The following ARSG variants were observed in gnomAD, a reference collection of about 807,000 sequenced individuals.
ARSG encodes the protein ASG.
A neutral mutation model predicts 50.5 loss-of-function variants in ARSG; 37 were observed. The observed-to-expected ratio is 0.73, with a 90% CI of 0.56 to 0.96. ARSG has a LOEUF of 0.96. Among genes scored for constraint, ARSG ranks in the 50% least tolerant of loss-of-function variants. The pLI, the probability that ARSG is intolerant of heterozygous loss-of-function variation, is 0.00. For synonymous variants in ARSG, 225 were observed against 254.6 expected (o/e 0.88, Z 1.11); for missense variants, 629 against 675.3 (o/e 0.93, Z 0.76).
At chr17:68,340,466 A>G (rs182882568) in intron 2 of ARSG, among the ~76,000 whole-genome samples, 2 of 152,028 alleles carry the variant, frequency 1.3e-5, no homozygotes, top group East Asian at 3.9e-4. Context: ...TTGTATTTTT[A>G]GTAGAGACGG....
chr17:68,433,503 C>T, the ARSG span: 11 of 1,613,726 alleles, frequency 6.8e-6, no homozygotes, highest in African/African-American at 1.3e-5. Flanking sequence ...AGATGTGTAC[C>T]GTCTCGGTGT....
At chr17:68,413,044 A>G (rs1166399982) in intron 11 of ARSG, among the ~76,000 whole-genome samples, 1 of 151,550 alleles carries the variant, frequency 6.6e-6, no homozygotes, top group Non-Finnish European at 1.5e-5. Flanking sequence ...CAAAGTTTTC[A>G]ACTTCTTTGC....
intron 6 of ARSG, among the ~76,000 whole-genome samples, chr17:68,360,716 G>A (rs1288023511): frequency 6.6e-6 from 1 of 152,212 alleles, no homozygotes; most frequent in Admixed American, 6.5e-5. Flanking sequence ...TTCCTTTTGA[G>A]GTCTGGGACC....
chr17:68,365,372 A>T (rs909868726), intron 6 of ARSG, among the ~76,000 whole-genome samples: 4 of 152,204 alleles, frequency 2.6e-5, no homozygotes, highest in Admixed American at 6.5e-5. Context: ...GTGGGAAGTT[A>T]CACAACTTTG....
upstream of ARSG, among the ~76,000 whole-genome samples, chr17:68,287,836 G>A (rs1174843681): frequency 6.6e-6 from 1 of 152,060 alleles, no homozygotes; most frequent in Non-Finnish European, 1.5e-5. Context: ...TCATGCACAG[G>A]TCTTTCCTTA....
the ARSG span, chr17:68,433,397 C>T: frequency 3.3e-5 from 44 of 1,327,126 alleles, no homozygotes; most frequent in Non-Finnish European, 4.7e-5. Flanking sequence ...AGAGATCATT[C>T]ATGCCAGTAG....
the ARSG span, among the ~76,000 whole-genome samples, chr17:68,445,155 G>A: frequency 6.6e-6 from 1 of 152,044 alleles, no homozygotes; most frequent in Non-Finnish European, 1.5e-5. Context: ...CCCGACCTCA[G>A]GTGATCTGCC....
intron 2 of ARSG, among the ~76,000 whole-genome samples, chr17:68,327,263 AC>A (rs2077543572): frequency 6.6e-6 from 1 of 152,178 alleles, no homozygotes; most frequent in South Asian, 2.1e-4. Context: ...CCCTGGAGAC[AC>A]GCAGGGAGGT....
the ARSG span, among the ~76,000 whole-genome samples, chr17:68,435,456 T>C: frequency 6.6e-6 from 1 of 152,210 alleles, no homozygotes; most frequent in Non-Finnish European, 1.5e-5. Flanking sequence ...TGCATGAATA[T>C]ACCACACATG....
rs556013848 is a variant in ARSG, at chr17:68,269,241, A to G, written c.-552+9815A>G. On this transcript the variant is annotated intron_variant, in intron 1 of 11. Coordinates refer to the ARSG transcript ENST00000448504. ...TGAGTGATGATGCTGGCACAGTCCCATCTTACACGGTCTCACCAGGGCGAG... is the reference window on the plus strand; with the variant it reads ...TGAGTGATGATGCTGGCACAGTCCCGTCTTACACGGTCTCACCAGGGCGAG... 3.6e-5 allele frequency: 55 copies of G among 1,525,958 alleles called. 1 individual carries two copies. In the South Asian group the frequency reaches 6.2e-4, roughly 17 times the overall value. The allele number at this position is 1,525,958 out of a possible 1,614,324, so 94.5% of individuals were successfully genotyped here.
rs115858335 is a variant in ARSG at position 68,318,981 on chromosome 17, T to C, written c.218+11270T>C. 7.1e-3 allele frequency among the ~76,000 whole-genome samples: 1,074 copies of C among 152,308 alleles called. 13 individuals are homozygous for C. Among genetic ancestry groups the C allele is most frequent in the African/African-American group, 0.024 (987 of 41,560 alleles). On this transcript the variant is annotated intron_variant, in intron 2 of 11. Coordinates refer to ENST00000621439, the MANE Select transcript of ARSG (RefSeq NM_001267727.2). ...CCCTGTTACCTCTCAGACCTCTTTT[T>C]CTCAGCCACCCTGCTGCCTTGGGGA... is the stretch of plus-strand genomic sequence containing the variant.
chr17:68,364,963 A>G (rs1277386531), intron 6 of ARSG, among the ~76,000 whole-genome samples: 1 of 152,170 alleles, frequency 6.6e-6, no homozygotes, highest in Non-Finnish European at 1.5e-5. Flanking sequence ...GGAGAGAGGT[A>G]CATCCTTGGG....
chr17:68,425,569 C>T (rs2083115462), downstream of ARSG, among the ~76,000 whole-genome samples: 1 of 151,970 alleles, frequency 6.6e-6, no homozygotes, highest in Non-Finnish European at 1.5e-5. Context: ...TGCGGGTCTG[C>T]CGGCCAGAGC....
chr17:68,275,053 T>C (rs995172163), intron 1 of ARSG, among the ~76,000 whole-genome samples: 12 of 152,214 alleles, frequency 7.9e-5, no homozygotes, highest in Non-Finnish European at 7.3e-5. Context: ...GTGTTGGGAT[T>C]ACAGGCGTGA....
intron 1 of ARSG, chr17:68,272,536 A>G: frequency 1.5e-6 from 2 of 1,332,434 alleles, no homozygotes; most frequent in African/African-American, 2.9e-5. Context: ...CATTACACAT[A>G]CACTGAAAGT....
At chr17:68,294,462 A>G (rs1555757427) in intron 1 of ARSG, among the ~76,000 whole-genome samples, 3 of 152,212 alleles carry the variant, frequency 2.0e-5, no homozygotes, top group Non-Finnish European at 2.9e-5. Context: ...GAGAACTTCA[A>G]CTTGGGTAAG....
At chr17:68,449,572 G>A in the ARSG span, among the ~76,000 whole-genome samples, 1 of 152,176 alleles carries the variant, frequency 6.6e-6, no homozygotes, top group African/African-American at 2.4e-5. Flanking sequence ...ACCATAGAGT[G>A]AGTGAGTTCT....
Position 68,271,494 on chromosome 17 carries a change from C to A in ARSG, c.-552+12068C>A, listed in dbSNP as rs373572305. 1 of 1,614,134 alleles carries A rather than the reference C, an allele frequency of 6.2e-7. No homozygotes were observed. ...TTTTCTCATTTTCAAGCATATACTG[C>A]GCTTCTTTCCGATTTTCCTGGATGA... On this transcript the variant is annotated intron_variant, in intron 1 of 11. Transcript: ENST00000448504. The surrounding 1 kb of genome is among the most constrained non-coding windows in gnomAD (Gnocchi z 5.3).
chr17:68,303,545 T>C (rs1555762770), intron 1 of ARSG, among the ~76,000 whole-genome samples: 2 of 152,058 alleles, frequency 1.3e-5, no homozygotes, highest in Non-Finnish European at 2.9e-5. Context: ...GCCTCCCAGG[T>C]TCAAGCGATT....
Sources: allele counts gnomAD v4.1 joint callset (sites outside exome capture counted in the v4.1 genomes callset), GRCh38; gene constraint gnomAD v4.1.1; non-coding constraint Gnocchi (gnomAD v3.1); transcripts MANE v1.5; gene names NCBI Gene and HGNC (gene_info 2026-07-23, HGNC 2026-07-21).